SIM1: variants seen among roughly 807,000 people sequenced by gnomAD.
SIM1 encodes the protein SIM bHLH transcription factor 1.
In SIM1, 18 loss-of-function variants were observed where a neutral mutation model predicts 78.2. The observed-to-expected ratio is 0.23, with a 90% CI of 0.16 to 0.34. SIM1 has a LOEUF of 0.34. SIM1 is among the 10% of genes least tolerant of loss of function. The probability of loss-of-function intolerance (pLI) is 1.00; values close to 1 mark genes in which losing one functional copy is unlikely to be tolerated. For missense variants in SIM1, 939 were observed against 975.1 expected (o/e 0.96, Z 0.49); for synonymous variants, 417 against 385.2 (o/e 1.08, Z -0.97).
In SIM1 at chr6:100,436,178, C is replaced by T. The variant is rs996554180; in HGVS notation, c.998+11090G>A. On this transcript the variant is annotated intron_variant, in intron 9 of 11. Coordinates refer to ENST00000369208, the MANE Select transcript of SIM1 (RefSeq NM_005068.3). ...CCTCTTCCTTCTAATTGTGAGTGGA[C>T]GTACTTTCCTCCATAAAGGCATCTC... 1.6e-4 allele frequency among the ~76,000 whole-genome samples: 25 copies of T among 152,140 alleles called. 1 individual carries two copies. Among genetic ancestry groups the T allele is most frequent in the Admixed American group, 1.5e-3 (23 of 15,266 alleles).
intron 2 of SIM1, 67 bp downstream of exon 2, chr6:100,463,199 TGTATGCATTTCTCTGGTCACTGATGTCG>T: frequency 7.8e-6 from 2 of 255,008 alleles, no homozygotes; most frequent in East Asian, 1.3e-4. Context: ...TATGTAAATA[TGTATGCATTTCTCTGGTCACTGATGTCG>T]GCTCATTGCC....
At chr6:100,455,768 C>A (rs1772634447) in intron 2 of SIM1, among the ~76,000 whole-genome samples, 1 of 152,168 alleles carries the variant, frequency 6.6e-6, no homozygotes, top group Non-Finnish European at 1.5e-5. Context: ...CGCGCGGTTC[C>A]CGAAGGGTGC....
At chr6:100,413,978 A>T (rs1771332843) in intron 10 of SIM1, among the ~76,000 whole-genome samples, 1 of 152,158 alleles carries the variant, frequency 6.6e-6, no homozygotes. Flanking sequence ...TGTGTCCTTC[A>T]TAGCAGACTT....
At chr6:100,422,687 CCA>C (rs143750352) in intron 9 of SIM1, among the ~76,000 whole-genome samples, 6 of 150,396 alleles carry the variant, frequency 4.0e-5, no homozygotes, top group Non-Finnish European at 5.9e-5. Flanking sequence ...AGTATTTTCA[CCA>C]CACACACACA....
intron 10 of SIM1, chr6:100,396,121 A>C (rs1012441211): frequency 1.0e-6 from 1 of 980,404 alleles, no homozygotes; most frequent in African/African-American, 1.8e-5. Flanking sequence ...TTTTCACAAG[A>C]TATCGCCTTC....
chr6:100,387,270 C>T lies in SIM1; in HGVS notation c.*3091G>A, dbSNP rs902116088. ...AAGTTTCATGTTTCTCAACATTTGGCAAAGTTATGGAAATCAAGAATTAAA... is the reference window on the plus strand; with the variant it reads ...AAGTTTCATGTTTCTCAACATTTGGTAAAGTTATGGAAATCAAGAATTAAA... On this transcript the variant is annotated 3_prime_UTR_variant, in exon 12 of 12. Coordinates refer to ENST00000369208, the MANE Select transcript of SIM1 (RefSeq NM_005068.3). The T allele has an allele frequency of 1.3e-5, 2 of 151,916 alleles. No homozygotes were observed. Among genetic ancestry groups the T allele is most frequent in the African/African-American group, 4.8e-5 (2 of 41,360 alleles). The allele number at this position is 151,916 out of a possible 1,614,324, so 9.4% of individuals were successfully genotyped here. A position where few individuals can be genotyped will look rare whatever the true frequency, so the allele number is the denominator to read the frequency against.
At chr6:100,445,591 A>T (rs1038507575) in intron 9 of SIM1, among the ~76,000 whole-genome samples, 2 of 152,222 alleles carry the variant, frequency 1.3e-5, no homozygotes, top group South Asian at 4.1e-4. Flanking sequence ...AATATTTCAA[A>T]ATGACTCCAA....
intron 9 of SIM1, among the ~76,000 whole-genome samples, chr6:100,440,003 A>G (rs1481150316): frequency 9.2e-5 from 14 of 152,194 alleles, no homozygotes; most frequent in Non-Finnish European, 2.1e-4. Context: ...AGAGAAAATA[A>G]ACACCTAAAT....
At chr6:100,458,569 G>A (rs562021637) in intron 2 of SIM1, among the ~76,000 whole-genome samples, 19 of 152,228 alleles carry the variant, frequency 1.2e-4, no homozygotes, top group Non-Finnish European at 2.2e-4. Flanking sequence ...TGAGGGCAGG[G>A]GGCGGCTCCT....
At chr6:100,414,588 A>G (rs539694467) in intron 10 of SIM1, among the ~76,000 whole-genome samples, 2 of 152,344 alleles carry the variant, frequency 1.3e-5, no homozygotes, top group Admixed American at 1.3e-4. Flanking sequence ...CCTATCTAAT[A>G]TAAGACTTTC....
chr6:100,450,661 C>A (rs184775254), intron 3 of SIM1, among the ~76,000 whole-genome samples: 83 of 137,206 alleles, frequency 6.0e-4, no homozygotes, highest in Non-Finnish European at 1.1e-3. Flanking sequence ...AACACACACA[C>A]ACTGTCTCTC....
At position 100,389,942 on chromosome 6, in the gene SIM1, A is replaced by G; in HGVS notation, c.*419T>C. 2 of 392,714 alleles carry G rather than the reference A, an allele frequency of 5.1e-6. No homozygotes were observed. The highest frequency in any genetic ancestry group is 9.0e-6 in the Non-Finnish European group (2 of 222,760). The allele number at this position is 392,714 out of a possible 1,614,324, so 24.3% of individuals were successfully genotyped here. ...AAAGAAAATTACCCATTTTTGATGT[A>G]TTTACATTACATAGCCTATATTTCC... On this transcript the variant is annotated 3_prime_UTR_variant, in exon 12 of 12. Coordinates refer to ENST00000369208, the MANE Select transcript of SIM1 (RefSeq NM_005068.3).
intron 9 of SIM1, among the ~76,000 whole-genome samples, chr6:100,424,804 T>C (rs1356602504): frequency 6.6e-6 from 1 of 152,194 alleles, no homozygotes; most frequent in Non-Finnish European, 1.5e-5. Context: ...GCCTAGAACA[T>C]AGTAAATGCT....
chr6:100,391,167 A>C (rs1770629597), intron 11 of SIM1, 76 bp from the exon 12 acceptor site: 1 of 1,428,650 alleles, frequency 7.0e-7, no homozygotes, highest in South Asian at 1.5e-5. Flanking sequence ...TTTACCTATT[A>C]AAATAAACTT....
chr6:100,417,930 G>A (rs1395122), intron 10 of SIM1, among the ~76,000 whole-genome samples: 3 of 152,108 alleles, frequency 2.0e-5, no homozygotes, highest in Non-Finnish European at 2.9e-5. Flanking sequence ...CAAATGAGAC[G>A]TATGGTTGAA....
At chr6:100,391,121 G>T in intron 11 of SIM1, 30 bp from the exon 12 acceptor site, 1 of 1,543,788 alleles carries the variant, frequency 6.5e-7, no homozygotes, top group Middle Eastern at 2.2e-4. Flanking sequence ...AAAAGTAAGT[G>T]ATCTCAGAAT....
In SIM1 at chr6:100,393,880, A is replaced by C; in HGVS notation, c.1177T>G (p.Phe393Val). 6.4e-7 allele frequency: 1 copy of C among 1,555,996 alleles called. No homozygotes were observed. The highest frequency in any genetic ancestry group is 8.7e-7 in the Non-Finnish European group (1 of 1,147,774). ...RTSPYPQYSG[F>V]HTERSESDHD... The stretch of plus-strand genomic sequence containing the variant: ...TCAGATTCCGATCTTTCTGTGTGAA[A>C]TCCCGAATACTGAAACCGAGTAGGG... The change falls in exon 11 of 12, where the codon TTT (phenylalanine) becomes GTT (valine). Residue 393 changes from phenylalanine to valine, a missense_variant. Around this residue, in one of 5 missense-constraint regions of SIM1, gnomAD observed 556 missense variants for 521.9 expected, o/e 1.07. Transcript: ENST00000369208.
chr6:100,395,706 C>A (rs961560397), intron 10 of SIM1, among the ~76,000 whole-genome samples: 1 of 152,182 alleles, frequency 6.6e-6, no homozygotes, highest in Non-Finnish European at 1.5e-5. Context: ...ACAAAACAAA[C>A]TTTCCCCTCA....
At chr6:100,452,856 G>A (rs1458344166) in intron 3 of SIM1, among the ~76,000 whole-genome samples, 3 of 152,162 alleles carry the variant, frequency 2.0e-5, no homozygotes, top group African/African-American at 4.8e-5. Context: ...TCTTCTTGGT[G>A]TCTTGGAAGG....
Sources: gnomAD v4.1 joint callset for allele counts (sites outside exome capture counted in the v4.1 genomes callset) on GRCh38, gnomAD v4.1.1 for gene constraint, gnomAD v4.1.1 regional missense constraint, MANE v1.5 for transcripts, NCBI Gene and HGNC (gene_info 2026-07-23, HGNC 2026-07-21) for gene names.